PCNT: variants seen among roughly 807,000 people sequenced by gnomAD.
The protein encoded by PCNT is pericentrin.
Under a neutral mutation model 380.4 loss-of-function variants are expected in PCNT, and 319 were observed. The ratio of observed to expected loss-of-function variants is 0.84; its 90% CI spans 0.77 to 0.92. PCNT has a LOEUF of 0.92. Ranked by LOEUF, PCNT falls within the 40% of genes least tolerant of loss-of-function variation. The pLI, the probability that PCNT is intolerant of heterozygous loss-of-function variation, is 0.00. For missense variants in PCNT, 4,400 were observed against 4,255.3 expected, an observed-to-expected ratio of 1.03 and a Z score of -0.95; for synonymous variants, 1,845 against 1,735.2, an observed-to-expected ratio of 1.06 and a Z score of -1.57.
intron 15 of PCNT, among the ~76,000 whole-genome samples, chr21:46,374,331 A>G (rs1241949059): frequency 1.3e-5 from 2 of 152,116 alleles, no homozygotes; most frequent in East Asian, 3.9e-4. Context: ...CACCTAAAAC[A>G]TCCACAGCGA....
chr21:46,419,914 C>G (rs1436647368), intron 31 of PCNT, among the ~76,000 whole-genome samples: 1 of 152,190 alleles, frequency 6.6e-6, no homozygotes, highest in East Asian at 1.9e-4. Flanking sequence ...CCAGCCCCCT[C>G]TTTTTTAAGG....
chr21:46,347,369 G>T (rs2084107227), intron 5 of PCNT, 88 bp from the exon 6 acceptor site: 1 of 1,310,618 alleles, frequency 7.6e-7, no homozygotes, highest in African/African-American at 1.4e-5. Context: ...TGTCCAGTGG[G>T]TGCCAGAGCC....
Position 46,422,252 on chromosome 21 carries a change from T to C in PCNT, c.7179+128T>C, listed in dbSNP as rs2087284021. ...CTTTTCCTGGGTGCCTCTGAGCACC[T>C]GCATTTTAATGACTCACGGGAGGCA... On this transcript the variant is annotated intron_variant, in intron 32 of 46. Coordinates refer to ENST00000359568, the MANE Select transcript of PCNT (RefSeq NM_006031.6). The C allele has an allele frequency of 4.3e-6, 5 of 1,165,208 alleles. No individual in the cohort carries two copies. The East Asian group carries it at 1.0e-4, about 24-fold the overall frequency. 72.2% of individuals were successfully genotyped at this position (1,165,208 alleles called of 1,614,324 possible).
intron 24 of PCNT, 29 bp downstream of exon 24, chr21:46,398,284 C>G (rs1601956613): frequency 6.3e-7 from 1 of 1,589,624 alleles, no homozygotes. Context: ...GATGGGCACT[C>G]CCTGCGCTGG....
rs2084339139 is a variant in PCNT at position 46,353,140 on chromosome 21, T to G, written c.1493T>G (p.Val498Gly). ...CAACTCCTGGCGCGCACCTCTCGTG[T>G]GGAAGATTTAGAACAGCTGAAGCAG... ...HEQLLARTSR[V>G]EDLEQLKQRE... is the part of the protein sequence containing the mutation. Residue 498 changes from valine to glycine, a missense_variant, in exon 10 of 47, where the codon GTG becomes GGG. Coordinates refer to ENST00000359568, the MANE Select transcript of PCNT (RefSeq NM_006031.6). 15 of 1,613,902 alleles carry G rather than the reference T, an allele frequency of 9.3e-6. No homozygotes were observed. Among genetic ancestry groups the G allele is most frequent in the Non-Finnish European group, 1.3e-5 (15 of 1,180,038 alleles).
At position 46,324,242 on chromosome 21, in the gene PCNT, A is replaced by G. The variant is rs2083277268; in HGVS notation, c.14A>G (p.Gln5Arg). 2 of 1,612,204 alleles carry G rather than the reference A, an allele frequency of 1.2e-6. No homozygotes were observed. Among genetic ancestry groups the G allele is most frequent in the Non-Finnish European group, 1.7e-6 (2 of 1,179,136 alleles). The part of the protein sequence containing the change: MEVE[Q>R]EQRRRKVEAG... ...AGTCTGAGGGAGATGGAAGTTGAGC[A>G]AGAGCAGCGGCGCAGAAAGGTGGAG... The change falls in exon 1 of 47, where the codon CAA (glutamine) becomes CGA (arginine). Residue 5 changes from glutamine to arginine, a missense_variant. Coordinates refer to ENST00000359568, the MANE Select transcript of PCNT (RefSeq NM_006031.6).
chr21:46,428,361 A>G (rs2087597776), intron 34 of PCNT, 34 bp from the exon 35 acceptor site: 2 of 1,594,582 alleles, frequency 1.3e-6, no homozygotes, highest in Non-Finnish European at 8.6e-7. Flanking sequence ...GTGGCTGCCC[A>G]ATGCTCAGGC....
intron 3 of PCNT, among the ~76,000 whole-genome samples, chr21:46,335,120 C>T (rs1453113489): frequency 1.3e-5 from 2 of 152,138 alleles, no homozygotes; most frequent in African/African-American, 2.4e-5. Flanking sequence ...TCTAGTTGCC[C>T]TTGTCGATTG....
intron 15 of PCNT, among the ~76,000 whole-genome samples, chr21:46,375,663 C>T (rs1447633057): frequency 2.0e-5 from 3 of 152,254 alleles, no homozygotes; most frequent in South Asian, 2.1e-4. Context: ...ACATTGTGGC[C>T]GAGCCGAGGC....
intron 38 of PCNT, among the ~76,000 whole-genome samples, chr21:46,433,023 A>C (rs1404139901): frequency 2.0e-5 from 3 of 152,152 alleles, no homozygotes; most frequent in Admixed American, 2.0e-4. Flanking sequence ...ATTTTTTGAG[A>C]TGGAGTCTCA....
chr21:46,437,562 C>T (rs2053496267), intron 40 of PCNT, among the ~76,000 whole-genome samples: 1 of 152,220 alleles, frequency 6.6e-6, no homozygotes, highest in Non-Finnish European at 1.5e-5. Context: ...AAACCCAAGT[C>T]CTCCTTGGAA....
At chr21:46,351,564 C>A in intron 9 of PCNT, 24 bp downstream of exon 9, 1 of 1,319,058 alleles carries the variant, frequency 7.6e-7, no homozygotes, top group South Asian at 1.2e-5. Flanking sequence ...TTGGAAAATT[C>A]AGATCCTCAA....
At chr21:46,393,620 G>A (rs73907480) in intron 21 of PCNT, among the ~76,000 whole-genome samples, 3 of 152,266 alleles carry the variant, frequency 2.0e-5, no homozygotes, top group African/African-American at 4.8e-5. Flanking sequence ...TCAGGCCTCC[G>A]GGCAGATAAA....
chr21:46,429,415 G>T (rs1301959161), intron 35 of PCNT, among the ~76,000 whole-genome samples: 1 of 149,188 alleles, frequency 6.7e-6, no homozygotes, highest in African/African-American at 2.5e-5. Flanking sequence ...GGGCATGGGG[G>T]GGCTGGCGCT....
chr21:46,430,851 A>G (rs2087728395), intron 37 of PCNT, 194 bp downstream of exon 37: 1 of 985,354 alleles, frequency 1.0e-6, no homozygotes, highest in Admixed American at 6.1e-5. Flanking sequence ...CCACAGGGCG[A>G]AGAGTGCGAT....
intron 11 of PCNT, among the ~76,000 whole-genome samples, chr21:46,354,460 G>A (rs1284805190): frequency 6.6e-6 from 1 of 152,204 alleles, no homozygotes; most frequent in African/African-American, 2.4e-5. Context: ...TCCGTGCTGC[G>A]ACTTCTGTCA....
At chr21:46,362,867 A>C (rs77523108) in intron 13 of PCNT, among the ~76,000 whole-genome samples, 1 of 143,390 alleles carries the variant, frequency 7.0e-6, no homozygotes, top group East Asian at 2.0e-4. Flanking sequence ...ACCCTGTCTC[A>C]AAAAAAAAAA....
In PCNT at chr21:46,427,646, T is replaced by A. The variant is rs199778396; in HGVS notation, c.7345T>A (p.Trp2449Arg). 3.8e-5 allele frequency: 61 copies of A among 1,613,880 alleles called. No individual in the cohort carries two copies. The African/African-American group carries it at 7.6e-4, about 20-fold the overall frequency. Residue 2449 changes from tryptophan to arginine, a missense_variant, in exon 34 of 47, where the codon TGG becomes AGG. By Grantham distance (101) the Trp-to-Arg change is moderately radical. Transcript: ENST00000359568. ...TQEVPTACPDWRGDLLQVVQE... is the reference protein window; with the variant it reads ...TQEVPTACPDRRGDLLQVVQE... ...GGAAGTGCCCACCGCGTGCCCCGAT[T>A]GGAGAGGGGACCTTCTGCAGGTTGT...
chr21:46,439,048 T>G (rs550700802), intron 41 of PCNT, among the ~76,000 whole-genome samples: 1 of 152,294 alleles, frequency 6.6e-6, no homozygotes, highest in East Asian at 1.9e-4. Flanking sequence ...TTCTTTTGTA[T>G]TTAGGCTATT....
Sources: allele counts gnomAD v4.1 joint callset (sites outside exome capture counted in the v4.1 genomes callset), GRCh38; gene constraint gnomAD v4.1.1; transcripts MANE v1.5; gene names NCBI Gene and HGNC (gene_info 2026-07-23, HGNC 2026-07-21).